Variants in DNAH7 observed in about 807,000 individuals in gnomAD.
DNAH7 encodes the protein dynein axonemal heavy chain 7.
A neutral mutation model predicts 444.6 loss-of-function variants in DNAH7; 397 were observed. The ratio of observed to expected loss-of-function variants is 0.89; its 90% CI spans 0.82 to 0.97. DNAH7 has a LOEUF of 0.97. Among genes scored for constraint, DNAH7 ranks in the 50% least tolerant of loss-of-function variants. The pLI is 0.00. For synonymous variants in DNAH7, 1,636 were observed against 1,624.4 expected (o/e 1.01, Z -0.17); for missense variants, 4,902 against 4,800.8 (o/e 1.02, Z -0.62).
intron 1 of DNAH7, chr2:196,063,228 T>G (rs987966815): frequency 6.6e-6 from 1 of 152,212 alleles, no homozygotes; most frequent in African/African-American, 2.4e-5. Context: ...TACAGTTTGC[T>G]TCTATTATCC....
rs556666794 is a variant in DNAH7 at position 195,946,032 on chromosome 2, G to GA, written c.3079-9241dup. 1.8e-4 allele frequency among the ~76,000 whole-genome samples: 28 copies of GA among 152,228 alleles called. 1 individual carries two copies. The highest frequency in any genetic ancestry group is 1.8e-3 in the Admixed American group (28 of 15,282). On this transcript the variant is annotated intron_variant, in intron 19 of 64. Coordinates refer to ENST00000312428, the MANE Select transcript of DNAH7 (RefSeq NM_018897.3). The stretch of plus-strand genomic sequence containing the variant: ...AGGAAACTGACATCTTTCCTAGCTG[G>GA]AGATCTGGTCAGTCACCCGGTGTGC...
At chr2:195,924,616 A>C (rs1312471056) in intron 22 of DNAH7, among the ~76,000 whole-genome samples, 2 of 150,502 alleles carry the variant, frequency 1.3e-5, no homozygotes, top group Non-Finnish European at 3.0e-5. Flanking sequence ...AGAGAGAGAG[A>C]GAGCAAGAGA....
At chr2:195,970,876 C>G (rs907247954) in intron 16 of DNAH7, among the ~76,000 whole-genome samples, 11 of 151,970 alleles carry the variant, frequency 7.2e-5, no homozygotes, top group African/African-American at 2.2e-4. Flanking sequence ...TTGCTCTAGC[C>G]CAGTCGGGGA....
chr2:196,000,731 T>G lies in DNAH7; in HGVS notation c.1326A>C (p.Arg442Ser). ...ACTTGGAATACAATTTTGTCTCAAC[T>G]CTTGGCACAAAACTGACAGCTTTAA... is the stretch of plus-strand genomic sequence containing the variant. ...VMIKAVSFVP[R>S]VETKLYSKWE... Residue 442 changes from arginine to serine, a missense_variant, in exon 12 of 65, where the codon AGA (arginine) becomes AGC (serine). By Grantham distance (110) the Arg-to-Ser change is moderately radical (BLOSUM62 -1). Coordinates refer to ENST00000312428, the MANE Select transcript of DNAH7 (RefSeq NM_018897.3). 1 of 1,585,082 alleles carries G rather than the reference T, an allele frequency of 6.3e-7. No individual in the cohort carries two copies. The highest frequency in any genetic ancestry group is 8.6e-7 in the Non-Finnish European group (1 of 1,166,700).
intron 12 of DNAH7, chr2:195,995,416 A>G: frequency 2.2e-6 from 1 of 459,478 alleles, no homozygotes; most frequent in Admixed American, 2.5e-5. Context: ...TTTCTGAGGG[A>G]GATTTTTGGA....
At chr2:196,012,977 C>T (rs2125724545) in intron 9 of DNAH7, 71 bp from the exon 10 acceptor site, 1 of 1,134,376 alleles carries the variant, frequency 8.8e-7, no homozygotes, top group South Asian at 2.4e-5. Flanking sequence ...TTAATTGGTT[C>T]CTTCTTAAAA....
At chr2:195,757,997 CAG>C (rs1553515134) in intron 61 of DNAH7, among the ~76,000 whole-genome samples, 1 of 151,870 alleles carries the variant, frequency 6.6e-6, no homozygotes, top group African/African-American at 2.4e-5. Flanking sequence ...ATACTGAAAT[CAG>C]GGGGATTAAG....
intron 47 of DNAH7, among the ~76,000 whole-genome samples, chr2:195,839,730 A>T (rs908924617): frequency 6.6e-6 from 1 of 151,772 alleles, no homozygotes; most frequent in African/African-American, 2.4e-5. Flanking sequence ...GAAATACTAT[A>T]AACAACTCTC....
chr2:195,864,696 A>G lies in DNAH7; in HGVS notation c.6959T>C (p.Ile2320Thr). Residue 2320 changes from isoleucine to threonine, a missense_variant, in exon 41 of 65, where the codon ATA becomes ACA. Ile to Thr is a moderately conservative substitution (Grantham distance 89, BLOSUM62 -1). Transcript: ENST00000312428. ...PMNLVLFRFA[I>T]EHISRISRIL... ...CCTGGAAATTCTGCTGATGTGCTCT[A>G]TGGCAAATCGAAACAAGACAAGGTT... 2 of 1,614,160 alleles carry G rather than the reference A, an allele frequency of 1.2e-6. No homozygotes were observed. The highest frequency in any genetic ancestry group is 1.7e-6 in the Non-Finnish European group (2 of 1,180,032).
In DNAH7 at chr2:196,026,698, C is replaced by T. The variant is rs560672914; in HGVS notation, c.667+62G>A. On this transcript the variant is annotated intron_variant, in intron 7 of 64. Coordinates refer to ENST00000312428, the MANE Select transcript of DNAH7 (RefSeq NM_018897.3). Reference sequence around the variant, plus strand: ...GTTTCAAGTATAGGTATTATTAATACAAAAATAATCTTTAATGAGACACAT... The same window carrying T: ...GTTTCAAGTATAGGTATTATTAATATAAAAATAATCTTTAATGAGACACAT... 5.9e-6 allele frequency: 7 copies of T among 1,196,460 alleles called. No individual in the cohort carries two copies. The South Asian group carries it at 1.1e-4, about 19-fold the overall frequency. 74.1% of individuals were successfully genotyped at this position (1,196,460 alleles called of 1,614,324 possible). A position where few individuals can be genotyped will look rare whatever the true frequency, so the allele number is the denominator to read the frequency against.
intron 51 of DNAH7, among the ~76,000 whole-genome samples, chr2:195,812,599 T>C (rs944806463): frequency 6.6e-6 from 1 of 152,260 alleles, no homozygotes; most frequent in African/African-American, 2.4e-5. Context: ...TTGCACAGTA[T>C]ATACCATACT....
intron 17 of DNAH7, among the ~76,000 whole-genome samples, chr2:195,962,897 TTAATA>T (rs1691206056): frequency 6.6e-6 from 1 of 151,808 alleles, no homozygotes; most frequent in Non-Finnish European, 1.5e-5. Context: ...GCTTATTCAT[TTAATA>T]TAATGACTTC....
chr2:195,828,612 T>TATA (rs35780138), intron 48 of DNAH7, among the ~76,000 whole-genome samples: 30 of 94,460 alleles, frequency 3.2e-4, no homozygotes, highest in South Asian at 2.0e-3. Context: ...ATATATATAT[T>TATA]TTTTTTTTTT....
Position 196,048,309 on chromosome 2 carries a change from A to C in DNAH7, c.237T>G (p.Asn79Lys). The C allele has an allele frequency of 1.2e-6, 2 of 1,613,294 alleles. No homozygotes were observed. The highest frequency in any genetic ancestry group is 1.7e-6 in the Non-Finnish European group (2 of 1,179,514). ...TGAAGTTCTTACCATGGGACTGTTC[A>C]TTTTTAACACTAAATGGTTCTGGAC... ...DESPEPFSVK[N>K]EQSHAEYMER... The change falls in exon 4 of 65, where the codon AAT becomes AAG. Residue 79 changes from asparagine to lysine, a missense_variant. Physicochemically the swap from Asn to Lys is moderately conservative, Grantham distance 94 (BLOSUM62 0). Transcript: ENST00000312428.
chr2:195,910,176 G>T lies in DNAH7; in HGVS notation c.3955C>A (p.His1319Asn). 4.3e-6 allele frequency: 7 copies of T among 1,610,478 alleles called. No homozygotes were observed. Among genetic ancestry groups the T allele is most frequent in the Non-Finnish European group, 5.9e-6 (7 of 1,178,458 alleles). ...TCAGGTGCTCCTCCAAGGTGCAAAT[G>T]AAGGGCTCCAAATAAGGTTCTGAAA... The part of the protein sequence containing the change: ...RCYRTLFGAL[H>N]LHLGGAPEGP... The change falls in exon 25 of 65, where the codon CAT (histidine) becomes AAT (asparagine). Residue 1319 changes from histidine to asparagine, a missense_variant. Physicochemically the swap from His to Asn is moderately conservative, Grantham distance 68. Transcript: ENST00000312428.
At chr2:195,820,584 T>A (rs1697418050) in intron 49 of DNAH7, among the ~76,000 whole-genome samples, 1 of 152,170 alleles carries the variant, frequency 6.6e-6, no homozygotes, top group South Asian at 2.1e-4. Context: ...ATTTCCCTAA[T>A]GAAAGGAGGT....
chr2:195,899,670 T>C (rs1686575979), intron 28 of DNAH7, among the ~76,000 whole-genome samples: 1 of 152,192 alleles, frequency 6.6e-6, no homozygotes, highest in Non-Finnish European at 1.5e-5. Flanking sequence ...TGTGAAAATT[T>C]TGCAAGCTCC....
chr2:195,985,601 A>T (rs573809029), intron 14 of DNAH7, among the ~76,000 whole-genome samples: 1 of 152,258 alleles, frequency 6.6e-6, no homozygotes, highest in Non-Finnish European at 1.5e-5. Flanking sequence ...TTCATATCTA[A>T]TGACTCCTTT....
chr2:195,974,453 C>G (rs1288460563), intron 15 of DNAH7, among the ~76,000 whole-genome samples: 1 of 152,046 alleles, frequency 6.6e-6, no homozygotes, highest in Non-Finnish European at 1.5e-5. Context: ...TTTGAAATAT[C>G]AGGCAATGAA....
Sources: gnomAD v4.1 joint callset for allele counts (sites outside exome capture counted in the v4.1 genomes callset) on GRCh38, gnomAD v4.1.1 for gene constraint, MANE v1.5 for transcripts, NCBI Gene and HGNC (gene_info 2026-07-23, HGNC 2026-07-21) for gene names.